EPS15: variants seen among roughly 807,000 people sequenced by gnomAD.
EPS15 encodes the protein epidermal growth factor receptor substrate 15.
A neutral mutation model predicts 113.8 loss-of-function variants in EPS15; 72 were observed. That is an observed-to-expected ratio of 0.63 (90% confidence interval 0.52 to 0.77). EPS15 has a LOEUF of 0.77. Among genes scored for constraint, EPS15 ranks in the 30% least tolerant of loss-of-function variants. The pLI is 0.00. For missense variants in EPS15, 1,048 were observed against 1,045.8 expected (o/e 1.00, Z -0.03); for synonymous variants, 344 against 363.4 (o/e 0.95, Z 0.61).
chr1:51,357,833 G>A (rs1278424980), intron 24 of EPS15, among the ~76,000 whole-genome samples: 4 of 150,324 alleles, frequency 2.7e-5, no homozygotes, highest in East Asian at 2.0e-4. Flanking sequence ...TCCGCCTCCC[G>A]GGTTCAAGCG....
At chr1:51,491,760 G>C (rs1027523948) in intron 1 of EPS15, among the ~76,000 whole-genome samples, 1 of 152,104 alleles carries the variant, frequency 6.6e-6, no homozygotes, top group African/African-American at 2.4e-5. Context: ...GAACTGGAGA[G>C]GGTGGGGAGT....
intron 1 of EPS15, among the ~76,000 whole-genome samples, chr1:51,492,743 A>C (rs1644257185): frequency 6.6e-6 from 1 of 152,200 alleles, no homozygotes; most frequent in South Asian, 2.1e-4. Context: ...CAGTGGAAGA[A>C]GCATGATCTT....
At chr1:51,408,071 G>A in intron 15 of EPS15, 64 bp downstream of exon 15, 1 of 1,403,928 alleles carries the variant, frequency 7.1e-7, no homozygotes, top group Non-Finnish European at 1.0e-6. Context: ...AAGTTGGAAA[G>A]TATAACTGAC....
intron 8 of EPS15, among the ~76,000 whole-genome samples, chr1:51,450,650 C>A (rs1653470630): frequency 6.6e-6 from 1 of 151,720 alleles, no homozygotes; most frequent in East Asian, 1.9e-4. Flanking sequence ...TGGTACCACC[C>A]CTATGAAGGG....
In EPS15 at chr1:51,361,553, C is replaced by A. The variant is rs373914869; in HGVS notation, c.2360-198G>T. Among the ~76,000 whole-genome samples the A allele has an allele frequency of 4.6e-5, 7 of 152,272 alleles. No individual in the cohort carries two copies. In the South Asian group the frequency reaches 1.5e-3, roughly 32 times the overall value. ...TCACACATGATCTCTCAAATAGATTCCAGCTATGTGCAGCTAATGAAACAA... is the reference window on the plus strand; with the variant it reads ...TCACACATGATCTCTCAAATAGATTACAGCTATGTGCAGCTAATGAAACAA... On this transcript the variant is annotated intron_variant, in intron 23 of 24. Transcript: ENST00000371733.
At chr1:51,485,635 T>G (rs1209323769) in intron 1 of EPS15, among the ~76,000 whole-genome samples, 1 of 152,162 alleles carries the variant, frequency 6.6e-6, no homozygotes, top group African/African-American at 2.4e-5. Flanking sequence ...CTTTTGAAGC[T>G]TTTAGCAAAT....
chr1:51,410,711 A>G lies in EPS15; in HGVS notation c.1114-1015T>C, dbSNP rs60652939. On this transcript the variant is annotated intron_variant, in intron 13 of 24. Transcript: ENST00000371733. ...AACTGAACACAAATTTCTAAAAATAATATCTATTCAAAGGTCCCAACAGTC... is the reference window on the plus strand; with the variant it reads ...AACTGAACACAAATTTCTAAAAATAGTATCTATTCAAAGGTCCCAACAGTC... Among the ~76,000 whole-genome samples the G allele has an allele frequency of 7.1e-3, 1,081 of 152,326 alleles. 7 individuals carry two copies. Among genetic ancestry groups the G allele is most frequent in the African/African-American group, 0.025 (1,031 of 41,572 alleles).
At chr1:51,359,315 G>A (rs1050685359) in intron 24 of EPS15, among the ~76,000 whole-genome samples, 11 of 151,628 alleles carry the variant, frequency 7.3e-5, no homozygotes, top group Admixed American at 5.3e-4. Flanking sequence ...GTGGTGGTGC[G>A]TGCCTGTAGT....
intron 1 of EPS15, among the ~76,000 whole-genome samples, chr1:51,499,862 A>G (rs1206935785): frequency 6.6e-6 from 1 of 152,216 alleles, no homozygotes; most frequent in African/African-American, 2.4e-5. Context: ...CACTAAGTAT[A>G]TTCACATTAT....
At chr1:51,357,391 AATATATATAT>A (rs869072153) in intron 24 of EPS15, among the ~76,000 whole-genome samples, 14 of 65,726 alleles carry the variant, frequency 2.1e-4, no homozygotes, top group African/African-American at 9.1e-4. Context: ...AAAAAAAAAA[AATATATATAT>A]ATATATATAT....
intron 21 of EPS15, among the ~76,000 whole-genome samples, chr1:51,388,611 C>T (rs1203285734): frequency 9.2e-5 from 14 of 152,012 alleles, no homozygotes; most frequent in East Asian, 3.9e-4. Context: ...ATCAAATAGA[C>T]GCAATAAAAA....
intron 21 of EPS15, among the ~76,000 whole-genome samples, chr1:51,376,586 C>T (rs980389339): frequency 6.6e-6 from 1 of 152,072 alleles, no homozygotes; most frequent in African/African-American, 2.4e-5. Flanking sequence ...ATTGCTTGAA[C>T]CTGGGAGGCA....
chr1:51,411,172 C>T (rs1175321121), intron 13 of EPS15, among the ~76,000 whole-genome samples: 4 of 152,144 alleles, frequency 2.6e-5, no homozygotes, highest in Non-Finnish European at 5.9e-5. Flanking sequence ...ACAATGCTTT[C>T]AATAATTGCT....
chr1:51,356,082 T>A lies in EPS15; in HGVS notation c.*618A>T. 4.9e-6 allele frequency: 1 copy of A among 202,826 alleles called. No homozygotes were observed. The highest frequency in any genetic ancestry group is 1.0e-5 in the Non-Finnish European group (1 of 98,820). The allele number at this position is 202,826 out of a possible 1,614,324, so 12.6% of individuals were successfully genotyped here. A position where few individuals can be genotyped will look rare whatever the true frequency, so the allele number is the denominator to read the frequency against. On this transcript the variant is annotated 3_prime_UTR_variant, in exon 25 of 25. Transcript: ENST00000371733. ...CACATGAGGCTTTAATATTTTTAGT[T>A]AGGAAAAGATCGAATCTGAGGCTAT...
At chr1:51,498,431 T>C (rs72691890) in intron 1 of EPS15, among the ~76,000 whole-genome samples, 3,234 of 152,312 alleles carry the variant, frequency 0.021, 54 homozygotes, top group Non-Finnish European at 0.031. Context: ...CATACAACCA[T>C]TGTTTTTCAC....
intron 21 of EPS15, among the ~76,000 whole-genome samples, chr1:51,385,853 AATG>A (rs778643231): frequency 2.0e-5 from 3 of 152,146 alleles, no homozygotes; most frequent in Non-Finnish European, 2.9e-5. Flanking sequence ...GCAGAGTAGT[AATG>A]ATGGTTGTTA....
At chr1:51,365,050 T>C (rs1306176580) in intron 22 of EPS15, among the ~76,000 whole-genome samples, 2 of 152,174 alleles carry the variant, frequency 1.3e-5, no homozygotes, top group African/African-American at 2.4e-5. Context: ...CAGGCTGGTC[T>C]TGAACTCCTG....
At chr1:51,364,745 C>T (rs1646470476) in intron 22 of EPS15, among the ~76,000 whole-genome samples, 1 of 149,356 alleles carries the variant, frequency 6.7e-6, no homozygotes. Context: ...GCAATCCTCC[C>T]ATCTCAGCCT....
Position 51,519,233 on chromosome 1 carries a change from G to T in EPS15, c.-2C>A. 1.5e-6 allele frequency: 2 copies of T among 1,309,130 alleles called. No homozygotes were observed. The highest frequency in any genetic ancestry group is 3.6e-5 in the East Asian group (1 of 27,678). 81.1% of individuals were successfully genotyped at this position (1,309,130 alleles called of 1,614,324 possible). ...AGAGAGCTGGGCCGCCGCAGCCATG[G>T]TGTTTCCATCATGCAAGGGAGGGGA... On this transcript the variant is annotated 5_prime_UTR_variant, in exon 1 of 25. Transcript: ENST00000371733.
Sources: allele counts gnomAD v4.1 joint callset (sites outside exome capture counted in the v4.1 genomes callset), GRCh38; gene constraint gnomAD v4.1.1; transcripts MANE v1.5; gene names NCBI Gene and HGNC (gene_info 2026-07-23, HGNC 2026-07-21).